WWOX: variants seen among roughly 807,000 people sequenced by gnomAD.
WWOX encodes WW domain-containing oxidoreductase.
Under a neutral mutation model 46.2 loss-of-function variants are expected in WWOX, and 69 were observed. The observed-to-expected ratio is 1.49, with a 90% CI of 1.23 to 1.82. The LOEUF is 1.82. Among genes scored for constraint, WWOX ranks in the 40% most tolerant of loss-of-function variants. The pLI is 0.00. For missense variants in WWOX, 919 were observed against 542.6 expected (o/e 1.69, Z -6.89); for synonymous variants, 359 against 202.6 (o/e 1.77, Z -6.56).
intron 8 of WWOX, among the ~76,000 whole-genome samples, chr16:78,481,723 A>AAG (rs1399568108): frequency 2.4e-5 from 1 of 41,354 alleles, no homozygotes; most frequent in South Asian, 8.6e-4. Flanking sequence ...AGGGCAAGGG[A>AAG]AGTGTGTGTG....
intron 8 of WWOX, among the ~76,000 whole-genome samples, chr16:78,625,888 A>T (rs906221244): frequency 1.3e-5 from 2 of 150,368 alleles, no homozygotes; most frequent in Admixed American, 1.3e-4. Context: ...AAGTAATGCA[A>T]TTACTTAAAA....
intron 8 of WWOX, among the ~76,000 whole-genome samples, chr16:79,043,917 C>T (rs548489482): frequency 2.0e-5 from 3 of 152,334 alleles, no homozygotes; most frequent in Middle Eastern, 3.4e-3. Flanking sequence ...GGCTGCCGCT[C>T]ATTCACTCTG....
At chr16:78,430,422 C>A (rs1292743693) in intron 7 of WWOX, among the ~76,000 whole-genome samples, 1 of 152,080 alleles carries the variant, frequency 6.6e-6, no homozygotes, top group Admixed American at 6.5e-5. Flanking sequence ...GTTGCACTAC[C>A]CACCTGGAAA....
intron 5 of WWOX, among the ~76,000 whole-genome samples, chr16:78,309,519 A>G (rs1304241053): frequency 1.3e-5 from 2 of 152,130 alleles, no homozygotes; most frequent in African/African-American, 2.4e-5. Flanking sequence ...GACCAAACCA[A>G]TGTACTCCTT....
At chr16:78,917,381 C>G (rs1376592434) in intron 8 of WWOX, among the ~76,000 whole-genome samples, 1 of 152,146 alleles carries the variant, frequency 6.6e-6, no homozygotes, top group African/African-American at 2.4e-5. Context: ...CTTATAATTC[C>G]TGTTGCAGCC....
At chr16:78,784,174 T>C (rs1488729485) in intron 8 of WWOX, among the ~76,000 whole-genome samples, 1 of 152,172 alleles carries the variant, frequency 6.6e-6, no homozygotes, top group Non-Finnish European at 1.5e-5. Context: ...TTTTCCCATG[T>C]AACGTGCACA....
At chr16:78,914,916 C>A (rs1467120612) in intron 8 of WWOX, among the ~76,000 whole-genome samples, 12 of 149,948 alleles carry the variant, frequency 8.0e-5, no homozygotes, top group Admixed American at 8.0e-4. Flanking sequence ...AACCAGATGG[C>A]CCTGCCCTTG....
chr16:79,124,811 A>G (rs923123278), intron 8 of WWOX, among the ~76,000 whole-genome samples: 4 of 152,346 alleles, frequency 2.6e-5, no homozygotes, highest in South Asian at 2.1e-4. Context: ...GTATAAACCA[A>G]TGAGTCTGGA....
chr16:78,360,472 A>T (rs1484325914), intron 5 of WWOX, among the ~76,000 whole-genome samples: 3 of 151,518 alleles, frequency 2.0e-5, no homozygotes, highest in Non-Finnish European at 2.9e-5. Flanking sequence ...GTAATCCCAG[A>T]TACTTGGGAG....
intron 8 of WWOX, among the ~76,000 whole-genome samples, chr16:78,770,223 C>G (rs2050030996): frequency 6.6e-6 from 1 of 151,936 alleles, no homozygotes; most frequent in South Asian, 2.1e-4. Context: ...TGGTGGTGTG[C>G]TCCTGTAGTT....
chr16:78,656,615 G>C (rs538786317), intron 8 of WWOX, among the ~76,000 whole-genome samples: 36 of 152,246 alleles, frequency 2.4e-4, no homozygotes, highest in African/African-American at 7.7e-4. Context: ...GGGGAAATCA[G>C]CCCTCTGATC....
intron 8 of WWOX, among the ~76,000 whole-genome samples, chr16:78,690,463 G>C (rs987102210): frequency 5.3e-5 from 8 of 152,126 alleles, no homozygotes; most frequent in African/African-American, 1.7e-4. Context: ...GAGATGGGAG[G>C]ATTGCTTGGG....
chr16:78,632,587 C>G (rs2046460945), intron 8 of WWOX, among the ~76,000 whole-genome samples: 1 of 32,234 alleles, frequency 3.1e-5, no homozygotes, highest in Non-Finnish European at 5.4e-5. Flanking sequence ...TTGGTGGAGT[C>G]TCGTTCTGTC....
intron 8 of WWOX, chr16:78,551,292 A>T (rs2044166845): frequency 6.6e-6 from 1 of 152,232 alleles, no homozygotes; most frequent in East Asian, 1.9e-4. Context: ...TGATCTTTAG[A>T]TATCTCGTCT....
At chr16:78,642,972 A>G (rs75536810) in intron 8 of WWOX, among the ~76,000 whole-genome samples, 16,331 of 152,166 alleles carry the variant, frequency 0.11, 975 homozygotes, top group South Asian at 0.2. Context: ...GTGATTCTCT[A>G]AGGATTAAAT....
rs552669061 is a variant in WWOX, at chr16:78,977,217, C to A, written c.1057-234391C>A. 3.3e-5 allele frequency among the ~76,000 whole-genome samples: 5 copies of A among 152,338 alleles called. No individual in the cohort carries two copies. In the South Asian group the frequency reaches 1.0e-3, roughly 32 times the overall value. ...CTTATTTTGGCAAGACTTCTTCAGA[C>A]AGGAGAGCCCTGAGAGCTCTTCAAA... On this transcript the variant is annotated intron_variant, in intron 8 of 8. Coordinates refer to ENST00000566780, the MANE Select transcript of WWOX (RefSeq NM_016373.4).
At position 78,116,651 on chromosome 16, in the gene WWOX, C is replaced by G. The variant is rs180706958; in HGVS notation, c.409+1497C>G. Among the ~76,000 whole-genome samples the G allele has an allele frequency of 8.5e-5, 13 of 152,132 alleles. No individual in the cohort carries two copies. In the East Asian group the frequency reaches 2.5e-3, roughly 29 times the overall value. On this transcript the variant is annotated intron_variant, in intron 4 of 8. Transcript: ENST00000566780. ...AATATTTAAAACAATGGCTGGATCC[C>G]CAATCTAAGAAGAATACATTTTGTT...
chr16:79,184,157 C>T (rs1484165258), intron 8 of WWOX, among the ~76,000 whole-genome samples: 1 of 152,130 alleles, frequency 6.6e-6, no homozygotes, highest in Admixed American at 6.5e-5. Context: ...TTAAACCCTC[C>T]CCCAAATGCT....
At chr16:79,036,089 C>G (rs1306997712) in intron 8 of WWOX, among the ~76,000 whole-genome samples, 1 of 152,214 alleles carries the variant, frequency 6.6e-6, no homozygotes, top group African/African-American at 2.4e-5. Flanking sequence ...CCTGCTCTCT[C>G]CATTTCTCAT....
Sources: gnomAD v4.1 joint callset for allele counts (sites outside exome capture counted in the v4.1 genomes callset) on GRCh38, gnomAD v4.1.1 for gene constraint, MANE v1.5 for transcripts, NCBI Gene and HGNC (gene_info 2026-07-23, HGNC 2026-07-21) for gene names.